The following SPATA6L variants were observed in gnomAD, a reference collection of about 807,000 sequenced individuals.
SPATA6L encodes spermatogenesis associated 6 like, also known as spermatogenesis associated 6-like protein.
Under a neutral mutation model 49.2 loss-of-function variants are expected in SPATA6L, and 68 were observed. The observed-to-expected ratio is 1.38, with a 90% CI of 1.14 to 1.69. The LOEUF (loss-of-function observed/expected upper bound fraction) is 1.69. SPATA6L is among the 40% of genes most tolerant of loss of function. The pLI is 0.00. For missense variants in SPATA6L, 668 were observed against 464.3 expected (o/e 1.44, Z -4.03); for synonymous variants, 198 against 165.7 (o/e 1.19, Z -1.50).
rs76760928 is a variant in SPATA6L, at chr9:4,620,763, C to A, written c.772+1645G>T. Among the ~76,000 whole-genome samples the A allele has an allele frequency of 4.8e-3, 724 of 152,238 alleles. 5 individuals are homozygous for A. The highest frequency in any genetic ancestry group is 6.5e-3 in the Non-Finnish European group (443 of 68,020). On this transcript the variant is annotated intron_variant, in intron 7 of 11. Transcript: ENST00000682582. ...GCCAGGATTAAGAAAAGACAAAGGCCGAGACCAGTGTGATGTGTGAGTCCC... is the reference window on the plus strand; with the variant it reads ...GCCAGGATTAAGAAAAGACAAAGGCAGAGACCAGTGTGATGTGTGAGTCCC...
At chr9:4,611,915 C>T (rs775559685) in intron 9 of SPATA6L, among the ~76,000 whole-genome samples, 5 of 152,082 alleles carry the variant, frequency 3.3e-5, no homozygotes, top group Non-Finnish European at 5.9e-5. Flanking sequence ...ATGATCATAG[C>T]TCACTGCAAC....
In SPATA6L at chr9:4,656,201, G is replaced by A. The variant is rs1587490246; in HGVS notation, c.178-112C>T. ...CACCTGTAATCCTAGCACTTTGGGAGGCCGAGGTGGGTGTATTGCTTAAGC... is the reference window on the plus strand; with the variant it reads ...CACCTGTAATCCTAGCACTTTGGGAAGCCGAGGTGGGTGTATTGCTTAAGC... On this transcript the variant is annotated intron_variant, in intron 2 of 11. Transcript: ENST00000682582. 3 of 784,074 alleles carry A rather than the reference G, an allele frequency of 3.8e-6. No homozygotes were observed. In the East Asian group the frequency reaches 8.4e-5, roughly 22 times the overall value. 48.6% of individuals were successfully genotyped at this position (784,074 alleles called of 1,614,324 possible). A position where few individuals can be genotyped will look rare whatever the true frequency, so the allele number is the denominator to read the frequency against.
Position 4,662,525 on chromosome 9 carries a change from CGT to C in SPATA6L, c.40-491_40-490del. The C allele has an allele frequency of 6.4e-7, 1 of 1,565,014 alleles. No homozygotes were observed. The highest frequency in any genetic ancestry group is 8.6e-7 in the Non-Finnish European group (1 of 1,164,900). ...CCCTGCTCAGCAGCCGCGCCACGGC[CGT>C]GGACCCCACCTGCGCCCGGCTCCGT... On this transcript the variant is annotated intron_variant, in intron 1 of 11. Transcript: ENST00000682582. This position sits in a 1 kb window ranked among gnomAD's most constrained non-coding sequence, Gnocchi z 4.9.
In SPATA6L at chr9:4,662,681, C is replaced by T. The variant is rs1229775066; in HGVS notation, c.40-645G>A. ...TGAACCCGTCCTTCCTGGGCATCGC[C>T]CTGCGCTCCCTGCTGGCCATCGACC... is the stretch of plus-strand genomic sequence containing the variant. On this transcript the variant is annotated intron_variant, in intron 1 of 11. Coordinates refer to ENST00000682582, the MANE Select transcript of SPATA6L (RefSeq NM_001353486.2). The surrounding 1 kb of genome is among the most constrained non-coding windows in gnomAD (Gnocchi z 4.9). 5 of 1,600,526 alleles carry T rather than the reference C, an allele frequency of 3.1e-6. No homozygotes were observed. The African/African-American group carries it at 5.3e-5, about 17-fold the overall frequency.
intron 2 of SPATA6L, among the ~76,000 whole-genome samples, chr9:4,657,065 T>C (rs1838445806): frequency 6.6e-6 from 1 of 152,198 alleles, no homozygotes; most frequent in African/African-American, 2.4e-5. Context: ...TATTTTCTTC[T>C]TGAAACAAAA....
intron 3 of SPATA6L, among the ~76,000 whole-genome samples, chr9:4,655,030 A>G (rs1314348691): frequency 6.6e-6 from 1 of 152,128 alleles, no homozygotes; most frequent in Non-Finnish European, 1.5e-5. Context: ...ATGACCCAGC[A>G]ATTTCACTCC....
chr9:4,666,103 T>A, intron 1 of SPATA6L, 109 bp downstream of exon 1: 1 of 951,642 alleles, frequency 1.1e-6, no homozygotes, highest in Non-Finnish European at 1.7e-6. Flanking sequence ...CAGAAGATAA[T>A]GATGTGTTTG....
intron 4 of SPATA6L, among the ~76,000 whole-genome samples, chr9:4,630,800 A>G (rs907307142): frequency 6.6e-6 from 1 of 152,238 alleles, no homozygotes; most frequent in Non-Finnish European, 1.5e-5. Flanking sequence ...GTATTGTGCT[A>G]AACACTATAT....
chr9:4,627,585 C>T (rs550853206), intron 5 of SPATA6L: 1 of 420,886 alleles, frequency 2.4e-6, no homozygotes, highest in South Asian at 2.1e-5. Context: ...TACCTTTATT[C>T]CTTCTCCATC....
At chr9:4,607,633 T>G (rs1005317177) in intron 9 of SPATA6L, among the ~76,000 whole-genome samples, 15 of 151,616 alleles carry the variant, frequency 9.9e-5, no homozygotes, top group African/African-American at 3.6e-4. Flanking sequence ...CTAAAAGAGC[T>G]CCTGAAGGAA....
intron 11 of SPATA6L, among the ~76,000 whole-genome samples, chr9:4,601,717 G>T (rs1423000352): frequency 2.6e-5 from 4 of 152,172 alleles, no homozygotes; most frequent in African/African-American, 9.7e-5. Context: ...TTAGAAGAGA[G>T]TCCTCAAGAA....
intron 3 of SPATA6L, among the ~76,000 whole-genome samples, chr9:4,655,581 C>T (rs1318997145): frequency 2.0e-5 from 3 of 150,830 alleles, no homozygotes; most frequent in South Asian, 2.1e-4. Context: ...TGGAGTCTTG[C>T]TCTGCCACCC....
At chr9:4,645,342 T>C (rs1360234309) in intron 3 of SPATA6L, among the ~76,000 whole-genome samples, 3 of 152,206 alleles carry the variant, frequency 2.0e-5, no homozygotes, top group Non-Finnish European at 4.4e-5. Flanking sequence ...TATAACAGAA[T>C]ACCTGAAACT....
In SPATA6L at chr9:4,618,850, A is replaced by T; in HGVS notation, c.807+14T>A. On this transcript the variant is annotated intron_variant, in intron 8 of 11. Coordinates refer to ENST00000682582, the MANE Select transcript of SPATA6L (RefSeq NM_001353486.2). The stretch of plus-strand genomic sequence containing the variant: ...GGAAGTAAATCATTTTACAAATTCT[A>T]CTTCTAAAATTACCTTTACGTTAGC... 6.2e-7 allele frequency: 1 copy of T among 1,608,848 alleles called. No homozygotes were observed. Among genetic ancestry groups the T allele is most frequent in the Non-Finnish European group, 8.5e-7 (1 of 1,176,434 alleles).
chr9:4,662,352 C>T lies in SPATA6L; in HGVS notation c.40-316G>A. On this transcript the variant is annotated intron_variant, in intron 1 of 11. Transcript: ENST00000682582. This position sits in a 1 kb window ranked among gnomAD's most constrained non-coding sequence, Gnocchi z 4.9. ...AGCCTCTGTTTGGTCCGGCCAGGTC[C>T]CGGGATCCGGGCCGCCAGCTGCGAT... 3 of 1,484,232 alleles carry T rather than the reference C, an allele frequency of 2.0e-6. No homozygotes were observed. Among genetic ancestry groups the T allele is most frequent in the Non-Finnish European group, 2.7e-6 (3 of 1,124,792 alleles). The allele number at this position is 1,484,232 out of a possible 1,614,324, so 91.9% of individuals were successfully genotyped here.
At chr9:4,659,140 T>C (rs1839003344) in intron 2 of SPATA6L, among the ~76,000 whole-genome samples, 1 of 152,192 alleles carries the variant, frequency 6.6e-6, no homozygotes, top group African/African-American at 2.4e-5. Context: ...TTTATTTCTC[T>C]CCTCACTTAT....
At chr9:4,614,417 C>A (rs535718030) in intron 9 of SPATA6L, among the ~76,000 whole-genome samples, 1 of 152,178 alleles carries the variant, frequency 6.6e-6, no homozygotes, top group Admixed American at 6.5e-5. Flanking sequence ...CCCTTGTGAA[C>A]TGGACACAGA....
intron 3 of SPATA6L, among the ~76,000 whole-genome samples, chr9:4,642,868 G>C (rs985183933): frequency 2.0e-5 from 3 of 152,102 alleles, no homozygotes; most frequent in African/African-American, 7.2e-5. Context: ...AAAGGACAGT[G>C]ACAGTCACTT....
chr9:4,629,769 G>GTGTATATATATATA lies in SPATA6L; in HGVS notation c.352-602_352-601insTATATATATATACA, dbSNP rs1311805859. On this transcript the variant is annotated intron_variant, in intron 4 of 11. Transcript: ENST00000682582. Reference sequence around the variant, plus strand: ...GTGTTTTATATATGTGTGTGTGTGTGTATATATATATATATATATATATAT... The same window carrying GTGTATATATATATA: ...GTGTTTTATATATGTGTGTGTGTGTGTGTATATATATATATATATATATATATATATATATATAT... Among the ~76,000 whole-genome samples the GTGTATATATATATA allele has an allele frequency of 5.6e-3, 575 of 101,848 alleles. 12 individuals carry two copies. Among genetic ancestry groups the GTGTATATATATATA allele is most frequent in the African/African-American group, 0.025 (506 of 20,078 alleles). The allele number at this position is 101,848 out of a possible 152,430, so 66.8% of individuals were successfully genotyped here.
Sources: gnomAD v4.1 joint callset for allele counts (sites outside exome capture counted in the v4.1 genomes callset) on GRCh38, gnomAD v4.1.1 for gene constraint, Gnocchi (gnomAD v3.1) non-coding constraint, MANE v1.5 for transcripts, NCBI Gene and HGNC (gene_info 2026-07-23, HGNC 2026-07-21) for gene names.